Variants in ZNF18 observed in about 807,000 individuals in gnomAD.
ZNF18 encodes the protein zinc finger protein 18.
ZNF18 carries 42 observed loss-of-function variants against 58.1 expected under a neutral mutation model. The observed-to-expected ratio is 0.72, with a 90% CI of 0.56 to 0.93. The LOEUF (loss-of-function observed/expected upper bound fraction) is 0.93, where lower values mean the gene tolerates loss of function less well. Ranked by LOEUF, ZNF18 falls within the 40% of genes least tolerant of loss-of-function variation. The probability of loss-of-function intolerance (pLI) is 0.00; values close to 1 mark genes in which losing one functional copy is unlikely to be tolerated. For missense variants in ZNF18, 540 were observed against 644.2 expected (o/e 0.84, Z 1.75); for synonymous variants, 231 against 239.8 (o/e 0.96, Z 0.34).
At chr17:12,012,592 C>A in the ZNF18 span, among the ~76,000 whole-genome samples, 1 of 152,178 alleles carries the variant, frequency 6.6e-6, no homozygotes, top group African/African-American at 2.4e-5. Context: ...TAGAAGAATG[C>A]CAGTTGCCCA....
chr17:12,012,735 G>A, the ZNF18 span, among the ~76,000 whole-genome samples: 1 of 152,070 alleles, frequency 6.6e-6, no homozygotes, highest in Non-Finnish European at 1.5e-5. Flanking sequence ...GAGTGCAATG[G>A]CATGATCACA....
chr17:11,978,161 G>C lies in ZNF18; in HGVS notation c.1446C>G (p.His482Gln). The change falls in exon 7 of 7, where the codon CAC becomes CAG. Residue 482 changes from histidine (H) to glutamine (Q), a missense_variant. His to Gln is a conservative substitution (Grantham distance 24). Coordinates refer to ENST00000580306, the MANE Select transcript of ZNF18 (RefSeq NM_001303281.2). ...GTTTCTCTCCTGTGTGGATTTTCTC[G>C]TGGTGGCGCAATCCTGAGAAGTCAC... ...GFSDFSGLRHHEKIHTGEKPY... is the reference protein window; with the variant it reads ...GFSDFSGLRHQEKIHTGEKPY... 6 of 1,614,042 alleles carry C rather than the reference G, an allele frequency of 3.7e-6. No homozygotes were observed. The highest frequency in any genetic ancestry group is 5.1e-6 in the Non-Finnish European group (6 of 1,180,014).
the ZNF18 span, among the ~76,000 whole-genome samples, chr17:12,015,688 C>T: frequency 1.3e-5 from 2 of 152,146 alleles, no homozygotes; most frequent in Non-Finnish European, 2.9e-5. Flanking sequence ...CTATCCCTCT[C>T]GCCTATCATT....
the ZNF18 span, among the ~76,000 whole-genome samples, chr17:12,019,603 C>A: frequency 6.6e-6 from 1 of 152,050 alleles, no homozygotes; most frequent in Non-Finnish European, 1.5e-5. Context: ...CACCTACCTG[C>A]TCTCACCTTC....
At chr17:11,995,075 G>A (rs1968376058) in intron 1 of ZNF18, among the ~76,000 whole-genome samples, 1 of 151,990 alleles carries the variant, frequency 6.6e-6, no homozygotes, top group South Asian at 2.1e-4. Flanking sequence ...AATACCAAAT[G>A]TTTTTTATGT....
upstream of ZNF18, among the ~76,000 whole-genome samples, chr17:11,997,672 T>C (rs1968565751): frequency 6.6e-6 from 1 of 152,216 alleles, no homozygotes. Flanking sequence ...CTTCCGTCAC[T>C]CACTCACTAA....
chr17:12,016,864 T>C, the ZNF18 span, among the ~76,000 whole-genome samples: 2 of 152,212 alleles, frequency 1.3e-5, no homozygotes, highest in Non-Finnish European at 2.9e-5. Flanking sequence ...AACATTTTCT[T>C]ATAAATCTTT....
intron 6 of ZNF18, among the ~76,000 whole-genome samples, chr17:11,981,661 C>T (rs567884216): frequency 2.7e-5 from 4 of 149,866 alleles, no homozygotes; most frequent in South Asian, 2.1e-4. Flanking sequence ...AAACAAAAAA[C>T]GAGTAGGAAT....
the ZNF18 span, among the ~76,000 whole-genome samples, chr17:12,014,965 G>A: frequency 2.0e-5 from 3 of 151,910 alleles, no homozygotes; most frequent in South Asian, 2.1e-4. Context: ...GGAGAACGGC[G>A]TGAACCCGGA....
At chr17:12,020,859 G>C in the ZNF18 span, 3 of 1,043,612 alleles carry the variant, frequency 2.9e-6, no homozygotes, top group Non-Finnish European at 3.7e-6. Context: ...CAGCCGCCGC[G>C]GCGCCGCTCG....
At chr17:11,998,305 A>G (rs1269921172), upstream of ZNF18, 1 of 152,046 alleles carries the variant, frequency 6.6e-6, no homozygotes, top group Non-Finnish European at 1.5e-5. Flanking sequence ...CACGACATCA[A>G]CTTGTGATAC....
At chr17:11,987,518 G>C (rs1967828608) in intron 4 of ZNF18, among the ~76,000 whole-genome samples, 1 of 152,150 alleles carries the variant, frequency 6.6e-6, no homozygotes, top group Non-Finnish European at 1.5e-5. Flanking sequence ...TTGTTCATTT[G>C]ACTTAAATGG....
the ZNF18 span, chr17:12,011,220 A>T: frequency 9.8e-6 from 5 of 511,598 alleles, no homozygotes; most frequent in Non-Finnish European, 1.8e-5. Flanking sequence ...CTTTGTGTTC[A>T]TCATTTTGGT....
chr17:11,985,940 T>C (rs1597961457), intron 4 of ZNF18, among the ~76,000 whole-genome samples: 1 of 152,332 alleles, frequency 6.6e-6, no homozygotes, highest in Non-Finnish European at 1.5e-5. Flanking sequence ...CCTCCTACTG[T>C]ACACAATATA....
At chr17:11,999,064 G>T (rs1405682874), upstream of ZNF18, among the ~76,000 whole-genome samples, 4 of 152,100 alleles carry the variant, frequency 2.6e-5, no homozygotes, top group African/African-American at 7.2e-5. Context: ...CATTTAGAGG[G>T]ACACCTTCAT....
the ZNF18 span, among the ~76,000 whole-genome samples, chr17:12,016,795 T>A: frequency 1.3e-5 from 2 of 152,364 alleles, no homozygotes; most frequent in African/African-American, 4.8e-5. Context: ...ATTCACCTTT[T>A]GTAATGACTT....
the ZNF18 span, among the ~76,000 whole-genome samples, chr17:12,015,669 T>C: frequency 6.6e-6 from 1 of 152,238 alleles, no homozygotes; most frequent in Non-Finnish European, 1.5e-5. Context: ...CATATCTCTA[T>C]CCATCTTTCT....
intron 2 of ZNF18, among the ~76,000 whole-genome samples, 154 bp downstream of exon 2, chr17:11,992,289 T>C (rs1465256352): frequency 2.6e-5 from 4 of 152,184 alleles, no homozygotes; most frequent in Non-Finnish European, 4.4e-5. Flanking sequence ...TGCTGGACAC[T>C]GTACTGGTGT....
At chr17:11,983,519 A>T in intron 5 of ZNF18, 112 bp from the exon 6 acceptor site, 1 of 769,522 alleles carries the variant, frequency 1.3e-6, no homozygotes, top group Non-Finnish European at 2.2e-6. Flanking sequence ...AAGGCTCTGG[A>T]CACTTGCAGA....
Sources: allele counts gnomAD v4.1 joint callset (sites outside exome capture counted in the v4.1 genomes callset), GRCh38; gene constraint gnomAD v4.1.1; transcripts MANE v1.5; gene names NCBI Gene and HGNC (gene_info 2026-07-23, HGNC 2026-07-21).